The following MAGI2 variants were observed in gnomAD, a reference collection of about 807,000 sequenced individuals.
The protein encoded by MAGI2 is membrane-associated guanylate kinase, WW and PDZ domain-containing protein 2.
Under a neutral mutation model 133.3 loss-of-function variants are expected in MAGI2, and 35 were observed. The observed-to-expected ratio is 0.26, with a 90% CI of 0.20 to 0.35. MAGI2 has a LOEUF of 0.35. Ranked by LOEUF, MAGI2 falls within the 10% of genes least tolerant of loss-of-function variation. The pLI is 1.00. For synonymous variants in MAGI2, 729 were observed against 710.6 expected, an observed-to-expected ratio of 1.03 and a Z score of -0.41; for missense variants, 1,636 against 1,863.4, an observed-to-expected ratio of 0.88 and a Z score of 2.25.
Position 79,453,649 on chromosome 7 carries a change from C to T in MAGI2, c.-329G>A, listed in dbSNP as rs1332190308. 1.3e-5 allele frequency: 5 copies of T among 380,662 alleles called. No individual in the cohort carries two copies. Among genetic ancestry groups the T allele is most frequent in the Non-Finnish European group, 1.8e-5 (5 of 282,972 alleles). 23.6% of individuals were successfully genotyped at this position (380,662 alleles called of 1,614,324 possible). ...GGCGGCAGCCGGAGCGAGCAGTAGC[C>T]GAGCTGGTGAGCGGGTGTGGTGGGG... is the stretch of plus-strand genomic sequence containing the variant. On this transcript the variant is annotated 5_prime_UTR_variant, in exon 1 of 22. Transcript: ENST00000354212.
chr7:79,303,310 A>C (rs1220445116), intron 1 of MAGI2, among the ~76,000 whole-genome samples: 2 of 152,180 alleles, frequency 1.3e-5, no homozygotes, highest in Non-Finnish European at 2.9e-5. Flanking sequence ...AATAAAAAAA[A>C]ACTTTAAAAA....
chr7:78,771,592 A>G (rs1243971098), intron 2 of MAGI2, among the ~76,000 whole-genome samples: 1 of 152,236 alleles, frequency 6.6e-6, no homozygotes, highest in African/African-American at 2.4e-5. Context: ...GTATCCTTTC[A>G]GAATCATCCA....
At position 79,428,379 on chromosome 7, in the gene MAGI2, C is replaced by T. The variant is rs558448061; in HGVS notation, c.301+24641G>A. Among the ~76,000 whole-genome samples, 135 of 152,250 alleles carry T rather than the reference C, an allele frequency of 8.9e-4. 1 individual carries two copies. Among genetic ancestry groups the T allele is most frequent in the Non-Finnish European group, 1.7e-3 (117 of 68,006 alleles). On this transcript the variant is annotated intron_variant, in intron 1 of 21. Coordinates refer to ENST00000354212, the MANE Select transcript of MAGI2 (RefSeq NM_012301.4). ...CTGAGGTTAAAATGAAGCAGTAATTCTACAAGCCATTCCAGCTTAAAGGAA... is the reference window on the plus strand; with the variant it reads ...CTGAGGTTAAAATGAAGCAGTAATTTTACAAGCCATTCCAGCTTAAAGGAA...
At chr7:79,402,910 T>C (rs922600991) in intron 1 of MAGI2, among the ~76,000 whole-genome samples, 8 of 152,230 alleles carry the variant, frequency 5.3e-5, no homozygotes, top group Non-Finnish European at 8.8e-5. Context: ...ACTTTGGTTC[T>C]ACCCCAGGCT....
intron 2 of MAGI2, among the ~76,000 whole-genome samples, chr7:78,951,135 C>G (rs961015501): frequency 1.3e-5 from 2 of 151,940 alleles, no homozygotes; most frequent in African/African-American, 4.8e-5. Flanking sequence ...CCACGCCTGG[C>G]TAATTTTTTG....
intron 20 of MAGI2, among the ~76,000 whole-genome samples, chr7:78,114,731 C>T (rs1196759784): frequency 6.6e-6 from 1 of 152,176 alleles, no homozygotes; most frequent in African/African-American, 2.4e-5. Context: ...AGTACCAGCC[C>T]CTTGACTGTG....
At chr7:78,879,436 C>T (rs140339003) in intron 2 of MAGI2, among the ~76,000 whole-genome samples, 18 of 151,970 alleles carry the variant, frequency 1.2e-4, no homozygotes, top group African/African-American at 3.6e-4. Context: ...CAGAACCCAA[C>T]GTAAAACTGG....
chr7:78,605,924 A>G (rs1206147310), intron 3 of MAGI2, among the ~76,000 whole-genome samples: 2 of 152,214 alleles, frequency 1.3e-5, no homozygotes, highest in Non-Finnish European at 2.9e-5. Context: ...TCCAGCATCA[A>G]GAGAGAAAGA....
chr7:78,022,416 G>A (rs1286772520), intron 21 of MAGI2, among the ~76,000 whole-genome samples: 1 of 152,168 alleles, frequency 6.6e-6, no homozygotes, highest in Non-Finnish European at 1.5e-5. Flanking sequence ...AAGGGGAGAA[G>A]GTTGATATTA....
At chr7:79,149,710 T>C (rs938637688) in intron 1 of MAGI2, among the ~76,000 whole-genome samples, 1 of 152,114 alleles carries the variant, frequency 6.6e-6, no homozygotes, top group Admixed American at 6.5e-5. Flanking sequence ...CTCAGAGCCT[T>C]AGGTAGGAAT....
chr7:79,100,128 C>A (rs1009709397), intron 1 of MAGI2, among the ~76,000 whole-genome samples: 7 of 152,054 alleles, frequency 4.6e-5, no homozygotes, highest in Admixed American at 3.3e-4. Flanking sequence ...CTTATTTAAA[C>A]CCTTTTGTTA....
chr7:79,191,621 G>C (rs1464547355), intron 1 of MAGI2, among the ~76,000 whole-genome samples: 1 of 150,508 alleles, frequency 6.6e-6, no homozygotes, highest in Non-Finnish European at 1.5e-5. Context: ...AATATGTTGT[G>C]TTATTCTTGC....
Position 79,179,523 on chromosome 7 carries a change from A to T in MAGI2, c.302-172317T>A, listed in dbSNP as rs370467520. ...AGGTATAATATAACTTGAATTCAAA[A>T]TATATTATAAGGTCACTGTAATAAA... On this transcript the variant is annotated intron_variant, in intron 1 of 21. Coordinates refer to ENST00000354212, the MANE Select transcript of MAGI2 (RefSeq NM_012301.4). 9.2e-5 allele frequency among the ~76,000 whole-genome samples: 14 copies of T among 152,134 alleles called. No individual in the cohort carries two copies. In the East Asian group the frequency reaches 2.7e-3, roughly 29 times the overall value.
chr7:78,923,637 G>A (rs904916583), intron 2 of MAGI2, among the ~76,000 whole-genome samples: 6 of 152,014 alleles, frequency 3.9e-5, no homozygotes, highest in African/African-American at 1.2e-4. Context: ...TGATGCCTCT[G>A]GCTTTGTTCT....
intron 1 of MAGI2, among the ~76,000 whole-genome samples, chr7:79,309,408 T>C (rs942616102): frequency 4.7e-5 from 7 of 150,428 alleles, no homozygotes; most frequent in South Asian, 2.1e-4. Flanking sequence ...CTATATATAA[T>C]ATAGATATGA....
chr7:78,436,610 A>G (rs1004562055), intron 6 of MAGI2, among the ~76,000 whole-genome samples: 3 of 152,194 alleles, frequency 2.0e-5, no homozygotes, highest in African/African-American at 4.8e-5. Flanking sequence ...CCCACTTTAC[A>G]TGATTTCATC....
At chr7:78,564,871 G>A (rs1187110606) in intron 3 of MAGI2, among the ~76,000 whole-genome samples, 1 of 124,978 alleles carries the variant, frequency 8.0e-6, no homozygotes, top group Non-Finnish European at 1.6e-5. Flanking sequence ...TCTGCTCACT[G>A]CAAGCTCCGC....
Position 79,423,218 on chromosome 7 carries a change from C to T in MAGI2, c.301+29802G>A, listed in dbSNP as rs540358456. Reference sequence around the variant, plus strand: ...AGTATTTTGAAATCGTTGTACACATCATCAATAAAAACTATATTTATTATT... The same window carrying T: ...AGTATTTTGAAATCGTTGTACACATTATCAATAAAAACTATATTTATTATT... On this transcript the variant is annotated intron_variant, in intron 1 of 21. Transcript: ENST00000354212. Among the ~76,000 whole-genome samples, 7 of 96,926 alleles carry T rather than the reference C, an allele frequency of 7.2e-5. No individual in the cohort carries two copies. The South Asian group carries it at 1.8e-3, about 25-fold the overall frequency. 63.6% of individuals were successfully genotyped at this position (96,926 alleles called of 152,430 possible). A position where few individuals can be genotyped will look rare whatever the true frequency, so the allele number is the denominator to read the frequency against.
intron 1 of MAGI2, among the ~76,000 whole-genome samples, chr7:79,010,235 A>ATATG (rs140738019): frequency 0.99 from 150,415 of 151,694 alleles, 74,575 homozygotes; most frequent in South Asian, 1. Flanking sequence ...ATACATATGT[A>ATATG]TATGTATGTA....
Sources: allele counts gnomAD v4.1 joint callset (sites outside exome capture counted in the v4.1 genomes callset), GRCh38; gene constraint gnomAD v4.1.1; transcripts MANE v1.5; gene names NCBI Gene and HGNC (gene_info 2026-07-23, HGNC 2026-07-21).